The following ATRNL1 variants were observed in gnomAD, a reference collection of about 807,000 sequenced individuals.
ATRNL1 encodes attractin-like protein 1.
In ATRNL1, 95 loss-of-function variants were observed where a neutral mutation model predicts 182.7. The observed-to-expected ratio is 0.52, with a 90% CI of 0.44 to 0.62. The LOEUF (loss-of-function observed/expected upper bound fraction) is 0.62, where lower values mean the gene tolerates loss of function less well. Ranked by LOEUF, ATRNL1 falls within the 20% of genes least tolerant of loss-of-function variation. The probability of loss-of-function intolerance (pLI) is 0.00; values close to 1 mark genes in which losing one functional copy is unlikely to be tolerated. For synonymous variants in ATRNL1, 576 were observed against 568.3 expected (o/e 1.01, Z -0.19); for missense variants, 1,471 against 1,679.5 (o/e 0.88, Z 2.17).
chr10:115,725,844 G>C (rs920840311), intron 26 of ATRNL1, among the ~76,000 whole-genome samples: 47 of 152,182 alleles, frequency 3.1e-4, no homozygotes, highest in Admixed American at 2.6e-3. Flanking sequence ...TATTTGCCAG[G>C]AGCTGTATTT....
intron 9 of ATRNL1, among the ~76,000 whole-genome samples, chr10:115,218,443 T>C (rs1207080031): frequency 4.6e-5 from 7 of 152,246 alleles, no homozygotes; most frequent in African/African-American, 1.7e-4. Context: ...TCTCATGCAG[T>C]TGATCCTCTT....
intron 10 of ATRNL1, among the ~76,000 whole-genome samples, chr10:115,254,354 T>G (rs569967310): frequency 6.6e-6 from 1 of 152,356 alleles, no homozygotes; most frequent in East Asian, 1.9e-4. Flanking sequence ...TGTATCTCAC[T>G]GTGGTTTTGA....
intron 8 of ATRNL1, among the ~76,000 whole-genome samples, chr10:115,199,351 G>A (rs1417134265): frequency 6.6e-6 from 1 of 151,974 alleles, no homozygotes; most frequent in East Asian, 1.9e-4. Context: ...CGGATCACAA[G>A]GTCAAGAGAT....
intron 1 of ATRNL1, among the ~76,000 whole-genome samples, chr10:115,103,838 C>T (rs1429011105): frequency 1.3e-5 from 2 of 152,176 alleles, no homozygotes; most frequent in Non-Finnish European, 2.9e-5. Flanking sequence ...GTAATGACGT[C>T]CAGTTCCATC....
chr10:115,540,305 C>T lies in ATRNL1; in HGVS notation c.3717-9153C>T, dbSNP rs1252501590. Among the ~76,000 whole-genome samples the T allele has an allele frequency of 7.2e-5, 11 of 152,026 alleles. No homozygotes were observed. In the South Asian group the frequency reaches 1.0e-3, roughly 14 times the overall value. On this transcript the variant is annotated intron_variant, in intron 25 of 28. Coordinates refer to ENST00000355044, the MANE Select transcript of ATRNL1 (RefSeq NM_207303.4). ...CGGACTGAACAGTGGGTAGCCCTCC[C>T]GCTGCACTGACTCAAGAAGCACTTC...
At chr10:115,122,382 A>G (rs1554871928) in intron 3 of ATRNL1, among the ~76,000 whole-genome samples, 2 of 151,764 alleles carry the variant, frequency 1.3e-5, no homozygotes, top group Admixed American at 6.6e-5. Context: ...TTTCTTGTGT[A>G]TGTTTAGATT....
chr10:115,922,531 T>G (rs1261468548), intron 28 of ATRNL1, among the ~76,000 whole-genome samples: 3 of 152,168 alleles, frequency 2.0e-5, no homozygotes, highest in African/African-American at 7.2e-5. Context: ...AGTGGTGCAG[T>G]CATAAGCTCA....
chr10:115,753,002 T>C lies in ATRNL1; in HGVS notation c.3903+25647T>C, dbSNP rs147665981. 2.8e-3 allele frequency among the ~76,000 whole-genome samples: 422 copies of C among 152,146 alleles called. 3 individuals carry two copies. Among genetic ancestry groups the C allele is most frequent in the Middle Eastern group, 0.02 (6 of 294 alleles). ...TGGGAGACTCCCTTCTACCATGTAA[T>C]AGTGGCATGACACTAGGTGAATTAG... On this transcript the variant is annotated intron_variant, in intron 27 of 28. Transcript: ENST00000355044.
At chr10:115,910,702 C>G (rs1396281577) in intron 28 of ATRNL1, among the ~76,000 whole-genome samples, 1 of 152,162 alleles carries the variant, frequency 6.6e-6, no homozygotes, top group Non-Finnish European at 1.5e-5. Context: ...GGCTGGTCAC[C>G]ATAGAAATCA....
At chr10:115,620,220 G>A (rs1443146338) in intron 26 of ATRNL1, among the ~76,000 whole-genome samples, 1 of 152,086 alleles carries the variant, frequency 6.6e-6, no homozygotes, top group African/African-American at 2.4e-5. Context: ...GGTAAGATGT[G>A]GGTGGGAGAG....
chr10:115,404,928 T>C (rs1291646245), intron 20 of ATRNL1, among the ~76,000 whole-genome samples: 1 of 151,626 alleles, frequency 6.6e-6, no homozygotes, highest in Non-Finnish European at 1.5e-5. Context: ...GGCATAAAAG[T>C]TAAATGGCTT....
chr10:115,353,437 A>C (rs1158621561), intron 19 of ATRNL1, among the ~76,000 whole-genome samples: 17 of 151,320 alleles, frequency 1.1e-4, no homozygotes, highest in African/African-American at 4.1e-4. Context: ...CATTTCCTTC[A>C]TTTTTAGTGT....
Position 115,315,744 on chromosome 10 carries a change from T to C in ATRNL1, c.3037+8T>C. 1 of 1,603,828 alleles carries C rather than the reference T, an allele frequency of 6.2e-7. No homozygotes were observed. Among genetic ancestry groups the C allele is most frequent in the Non-Finnish European group, 8.5e-7 (1 of 1,173,602 alleles). On this transcript the variant is annotated splice_region_variant and intron_variant, in intron 18 of 28. Transcript: ENST00000355044. ...CCTTTATCCAGTGTCCAGGTAATAA[T>C]AATGTAATGGAAACAATTTCAGTTT...
In ATRNL1 at chr10:115,727,482, A is replaced by AT. The variant is rs3217061; in HGVS notation, c.3903+128dup. 728 of 705,732 alleles carry AT rather than the reference A, an allele frequency of 1.0e-3. 7 individuals carry two copies. In the East Asian group the frequency reaches 0.017, roughly 16 times the overall value. 43.7% of individuals were successfully genotyped at this position (705,732 alleles called of 1,614,324 possible). A position where few individuals can be genotyped will look rare whatever the true frequency, so the allele number is the denominator to read the frequency against. On this transcript the variant is annotated intron_variant, in intron 27 of 28. Coordinates refer to ENST00000355044, the MANE Select transcript of ATRNL1 (RefSeq NM_207303.4). ...TCTACAGTTGACAAGATTCAGCTAC[A>AT]TATGTTATGCCATTTTCAAGGCACA...
intron 27 of ATRNL1, among the ~76,000 whole-genome samples, chr10:115,741,303 A>G (rs1160643509): frequency 6.6e-6 from 1 of 152,134 alleles, no homozygotes; most frequent in African/African-American, 2.4e-5. Context: ...CTTGGGCTTT[A>G]AAGGTACCTA....
chr10:115,869,529 A>G (rs1163725164), intron 28 of ATRNL1, among the ~76,000 whole-genome samples: 1 of 152,178 alleles, frequency 6.6e-6, no homozygotes, highest in Non-Finnish European at 1.5e-5. Flanking sequence ...CTTCTGGGAA[A>G]GGAGGACTCA....
At chr10:115,661,743 A>G (rs1381339180) in intron 26 of ATRNL1, among the ~76,000 whole-genome samples, 2 of 151,930 alleles carry the variant, frequency 1.3e-5, no homozygotes, top group Non-Finnish European at 2.9e-5. Flanking sequence ...GACATATGCT[A>G]TGGAGCTTGG....
intron 15 of ATRNL1, among the ~76,000 whole-genome samples, chr10:115,287,384 A>AT (rs1246378945): frequency 2.0e-5 from 3 of 152,000 alleles, no homozygotes; most frequent in East Asian, 3.9e-4. Context: ...AAGGGATACT[A>AT]TTTTTTTGTC....
chr10:115,383,529 A>G (rs1165179991), intron 19 of ATRNL1, among the ~76,000 whole-genome samples: 1 of 151,906 alleles, frequency 6.6e-6, no homozygotes, highest in Non-Finnish European at 1.5e-5. Flanking sequence ...TTGTAAGTTT[A>G]TATTTATAAA....
Sources: gnomAD v4.1 joint callset for allele counts (sites outside exome capture counted in the v4.1 genomes callset) on GRCh38, gnomAD v4.1.1 for gene constraint, MANE v1.5 for transcripts, NCBI Gene and HGNC (gene_info 2026-07-23, HGNC 2026-07-21) for gene names.